Variants in UMAD1 observed in about 807,000 individuals in gnomAD.
UMAD1 encodes the protein UBAP1-MVB12-associated (UMA) domain containing 1, also known as UBAP1-MVB12-associated (UMA)-domain containing protein 1.
In UMAD1, 8 loss-of-function variants were observed where a neutral mutation model predicts 6.1. The ratio of observed to expected loss-of-function variants is 1.30; its 90% CI spans 0.76 to 2.35. The LOEUF (loss-of-function observed/expected upper bound fraction) is 2.35, where lower values mean the gene tolerates loss of function less well. Among genes scored for constraint, UMAD1 ranks in the 30% most tolerant of loss-of-function variants. The probability of loss-of-function intolerance (pLI) is 0.00; values close to 1 mark genes in which losing one functional copy is unlikely to be tolerated. For synonymous variants in UMAD1, 56 were observed against 31.4 expected, an observed-to-expected ratio of 1.78 and a Z score of -2.61; for missense variants, 130 against 78.4, an observed-to-expected ratio of 1.66 and a Z score of -2.49.
chr7:7,817,368 G>A (rs911714929), intron 3 of UMAD1, among the ~76,000 whole-genome samples: 3 of 152,150 alleles, frequency 2.0e-5, no homozygotes, highest in Non-Finnish European at 4.4e-5. Context: ...ATGTGTGCAG[G>A]AACAGTCAGA....
intron 2 of UMAD1, among the ~76,000 whole-genome samples, chr7:7,772,031 A>G (rs1782112781): frequency 6.6e-6 from 1 of 152,098 alleles, no homozygotes; most frequent in Non-Finnish European, 1.5e-5. Flanking sequence ...GAAATTGACA[A>G]GTGTGTGTTT....
At chr7:7,870,910 A>G (rs1784320433) in intron 3 of UMAD1, among the ~76,000 whole-genome samples, 1 of 151,794 alleles carries the variant, frequency 6.6e-6, no homozygotes, top group South Asian at 2.1e-4. Flanking sequence ...TTGGTGGAAC[A>G]CTTTGCCCAT....
chr7:7,790,983 C>T (rs549461604), intron 2 of UMAD1, among the ~76,000 whole-genome samples: 9 of 152,284 alleles, frequency 5.9e-5, no homozygotes, highest in Admixed American at 2.0e-4. Context: ...CTCCGCCTCC[C>T]GGGCTCAAGC....
chr7:7,824,610 C>T (rs765485941), intron 3 of UMAD1, among the ~76,000 whole-genome samples: 14 of 152,148 alleles, frequency 9.2e-5, no homozygotes, highest in Non-Finnish European at 1.8e-4. Flanking sequence ...ACATGCTTCA[C>T]AGTGTTTTGT....
chr7:7,673,647 T>C (rs963929049), intron 2 of UMAD1, among the ~76,000 whole-genome samples, 194 bp downstream of exon 2: 38 of 152,326 alleles, frequency 2.5e-4, no homozygotes, highest in Non-Finnish European at 5.0e-4. Flanking sequence ...GTGAGACTTT[T>C]CTTCCGTGTT....
At chr7:7,643,718 AAAAAAAACAAACAAACG>A (rs374358906) in intron 1 of UMAD1, among the ~76,000 whole-genome samples, 50,015 of 91,454 alleles carry the variant, frequency 0.55, 11,002 homozygotes, top group African/African-American at 0.68. Flanking sequence ...TCTCAAAAAA[AAAAAAAACAAACAAACG>A]AAAAAAAAAG....
At chr7:7,663,402 G>C (rs1316139312) in intron 1 of UMAD1, among the ~76,000 whole-genome samples, 1 of 152,070 alleles carries the variant, frequency 6.6e-6, no homozygotes, top group Admixed American at 6.5e-5. Context: ...GAGCTGAAAA[G>C]TGACATCAGT....
chr7:7,716,728 G>C (rs1036279704), intron 2 of UMAD1, among the ~76,000 whole-genome samples: 18 of 152,172 alleles, frequency 1.2e-4, no homozygotes, highest in Admixed American at 3.9e-4. Context: ...GGCGGATCAC[G>C]AGGTCAGGAG....
chr7:7,791,014 C>T (rs1161472901), intron 2 of UMAD1, among the ~76,000 whole-genome samples: 3 of 152,148 alleles, frequency 2.0e-5, no homozygotes, highest in African/African-American at 7.2e-5. Context: ...TCTCAGCCCC[C>T]AAGTAGCTGG....
chr7:7,643,798 C>T (rs6974015), intron 1 of UMAD1, among the ~76,000 whole-genome samples: 83,743 of 151,086 alleles, frequency 0.55, 24,735 homozygotes, highest in East Asian at 0.88. Context: ...TTCACATTCC[C>T]GCTTGGGTCT....
intron 2 of UMAD1, among the ~76,000 whole-genome samples, chr7:7,767,940 T>C (rs10085476): frequency 0.21 from 32,102 of 152,164 alleles, 3,543 homozygotes; most frequent in African/African-American, 0.29. Context: ...CTTTCAGATA[T>C]GTAAATATTA....
At chr7:7,827,135 A>ATGTGTGTGTGTGTGTG (rs1178394302) in intron 3 of UMAD1, among the ~76,000 whole-genome samples, 12 of 114,582 alleles carry the variant, frequency 1.0e-4, no homozygotes, top group Middle Eastern at 4.5e-3. Flanking sequence ...ATATATATAT[A>ATGTGTGTGTGTGTGTG]TATATATATA....
At chr7:7,776,059 CCAAAA>C (rs1782200007) in intron 2 of UMAD1, among the ~76,000 whole-genome samples, 2 of 149,624 alleles carry the variant, frequency 1.3e-5, no homozygotes, top group Admixed American at 6.7e-5. Context: ...ATACACTATA[CCAAAA>C]CAAAACTATT....
At chr7:7,658,629 G>A (rs1785401861) in intron 1 of UMAD1, among the ~76,000 whole-genome samples, 1 of 152,296 alleles carries the variant, frequency 6.6e-6, no homozygotes, top group African/African-American at 2.4e-5. Flanking sequence ...ATTTGTGTAT[G>A]TTGAACCAGC....
chr7:7,818,912 C>T (rs1450338201), intron 3 of UMAD1, among the ~76,000 whole-genome samples: 1 of 152,190 alleles, frequency 6.6e-6, no homozygotes, highest in Non-Finnish European at 1.5e-5. Flanking sequence ...TGCCATAGCA[C>T]AGTCTCTGCT....
intron 1 of UMAD1, among the ~76,000 whole-genome samples, chr7:7,649,511 T>G (rs1001803715): frequency 6.6e-6 from 1 of 152,250 alleles, no homozygotes; most frequent in African/African-American, 2.4e-5. Context: ...GGGGAACATA[T>G]TCAAACCACA....
At chr7:7,795,963 T>A (rs1218400729) in intron 2 of UMAD1, among the ~76,000 whole-genome samples, 9 of 152,040 alleles carry the variant, frequency 5.9e-5, no homozygotes, top group African/African-American at 1.9e-4. Flanking sequence ...GCCCAGCAGG[T>A]CTAAGCCTCA....
At chr7:7,834,280 C>G (rs1429665143) in intron 3 of UMAD1, among the ~76,000 whole-genome samples, 1 of 152,128 alleles carries the variant, frequency 6.6e-6, no homozygotes. Context: ...GCCTCAGCCT[C>G]CCAAAGTGCT....
Position 7,706,462 on chromosome 7 carries a change from A to G in UMAD1, c.82+33009A>G, listed in dbSNP as rs1365997112. On this transcript the variant is annotated intron_variant, in intron 2 of 3. Coordinates refer to ENST00000682710, the MANE Select transcript of UMAD1 (RefSeq NM_001302348.2). ...GATTCCAAAACCAAAAATGAAACCT[A>G]TATAACAATGCTAACAATATATGTA... Among the ~76,000 whole-genome samples the G allele has an allele frequency of 2.6e-5, 4 of 152,318 alleles. No homozygotes were observed. In the South Asian group the frequency reaches 6.2e-4, roughly 24 times the overall value.
Sources: allele counts gnomAD v4.1 joint callset (sites outside exome capture counted in the v4.1 genomes callset), GRCh38; gene constraint gnomAD v4.1.1; transcripts MANE v1.5; gene names NCBI Gene and HGNC (gene_info 2026-07-23, HGNC 2026-07-21).